MSH6: variants seen among roughly 807,000 people sequenced by gnomAD.
MSH6 encodes the protein DNA mismatch repair protein Msh6.
A neutral mutation model predicts 119.1 loss-of-function variants in MSH6; 85 were observed. That is an observed-to-expected ratio of 0.71 (90% CI 0.60 to 0.85). The LOEUF is 0.85. Among genes scored for constraint, MSH6 ranks in the 40% least tolerant of loss-of-function variants. The pLI, the probability that MSH6 is intolerant of heterozygous loss-of-function variation, is 0.00. For missense variants in MSH6, 2,163 were observed against 1,655.3 expected (o/e 1.31, Z -5.32); for synonymous variants, 830 against 586.9 (o/e 1.41, Z -5.99).
rs1553414421 is a variant in MSH6, at chr2:47,801,029, G to A, written c.3046G>A (p.Ala1016Thr). ...YWTKTIEKKL[A>T]NLINAEERRD... ...GACCAAAACTATTGAAAAGAAGTTG[G>A]CTAATCTCATAAATGCTGAAGAACG... The change falls in exon 4 of 10, where the codon GCT becomes ACT. Residue 1016 changes from alanine (A) to threonine (T), a missense_variant. Transcript: ENST00000234420. 1.3e-6 allele frequency: 2 copies of A among 1,583,280 alleles called. No homozygotes were observed. Among genetic ancestry groups the A allele is most frequent in the Non-Finnish European group, 1.7e-6 (2 of 1,165,306 alleles).
At chr2:47,809,625 T>C, downstream of MSH6, 1 of 1,613,174 alleles carries the variant, frequency 6.2e-7, no homozygotes, top group Non-Finnish European at 8.5e-7. Context: ...TAACACCAGA[T>C]GCTAAAAATA....
chr2:47,792,846 G>GTT (rs11335797), intron 2 of MSH6, among the ~76,000 whole-genome samples: 22 of 114,408 alleles, frequency 1.9e-4, no homozygotes, highest in South Asian at 6.3e-4. Flanking sequence ...TTTTTATATA[G>GTT]TTTTTTTTTT....
downstream of MSH6, chr2:47,808,093 A>T: frequency 6.3e-7 from 1 of 1,585,094 alleles, no homozygotes; most frequent in Non-Finnish European, 8.6e-7. Context: ...TTACAATGGC[A>T]GGACTTTTTC....
At chr2:47,795,799 T>C in intron 2 of MSH6, 95 bp from the exon 3 acceptor site, 1 of 1,025,694 alleles carries the variant, frequency 9.7e-7, no homozygotes, top group Non-Finnish European at 1.5e-6. Flanking sequence ...GAGATGGGGT[T>C]TGCTATGTTG....
Position 47,805,646 on chromosome 2 carries a change from T to G in MSH6, c.3585T>G (p.Ser1195Arg), listed in dbSNP as rs1572741819. Residue 1195 changes from serine to arginine, a missense_variant, in exon 7 of 10, where the codon AGT (serine) becomes AGG (arginine). Ser to Arg is a moderately radical substitution (Grantham distance 110). Coordinates refer to ENST00000234420, the MANE Select transcript of MSH6 (RefSeq NM_000179.3). ...AAAGTACATTTTTTGTTGAATTAAG[T>G]GAAACTGCCAGCATACTCATGCATG... ...SGESTFFVEL[S>R]ETASILMHAT... 2.5e-6 allele frequency: 4 copies of G among 1,613,712 alleles called. No homozygotes were observed. In the South Asian group the frequency reaches 3.3e-5, roughly 13 times the overall value.
downstream of MSH6, chr2:47,806,973 C>A: frequency 1.2e-6 from 1 of 851,198 alleles, no homozygotes; most frequent in Non-Finnish European, 1.9e-6. Flanking sequence ...CATTTTCTTT[C>A]TAGGAAATTA....
Position 47,790,193 on chromosome 2 carries a change from G to T in MSH6, c.261-734G>T, listed in dbSNP as rs186283508. 1.1e-3 allele frequency among the ~76,000 whole-genome samples: 172 copies of T among 152,280 alleles called. 1 individual carries two copies. Among genetic ancestry groups the T allele is most frequent in the Admixed American group, 2.2e-3 (34 of 15,282 alleles). On this transcript the variant is annotated intron_variant, in intron 1 of 9. Coordinates refer to ENST00000234420, the MANE Select transcript of MSH6 (RefSeq NM_000179.3). ...TCCCAGCACTTTGAGAGGCCAAGGC[G>T]GGTGAATCATTTGAGGTCAGGAGTT... is the stretch of plus-strand genomic sequence containing the variant.
chr2:47,805,850 G>T, intron 7 of MSH6, 143 bp downstream of exon 7: 1 of 729,174 alleles, frequency 1.4e-6, no homozygotes, highest in Non-Finnish European at 2.4e-6. Flanking sequence ...GGCACAGACC[G>T]ATAGTTGGAG....
chr2:47,792,778 CCT>C lies in MSH6; in HGVS notation c.457+1656_457+1657del, dbSNP rs369223556. The stretch of plus-strand genomic sequence containing the variant: ...AACTCCTGGGCTCAAGTGATTCCCC[CCT>C]GTTTTAGCCTCCTCAGTAACCGGGA... On this transcript the variant is annotated intron_variant, in intron 2 of 9. Coordinates refer to ENST00000234420, the MANE Select transcript of MSH6 (RefSeq NM_000179.3). Among the ~76,000 whole-genome samples, 531 of 152,108 alleles carry C rather than the reference CCT, an allele frequency of 3.5e-3. 3 individuals carry two copies. Among genetic ancestry groups the C allele is most frequent in the Middle Eastern group, 0.017 (5 of 294 alleles).
chr2:47,803,398 C>G (rs775911617), intron 4 of MSH6, 22 bp from the exon 5 acceptor site: 26 of 1,613,970 alleles, frequency 1.6e-5, no homozygotes, highest in Non-Finnish European at 2.0e-5. Flanking sequence ...TGAAGCCTCA[C>G]TTTTACCCTC....
chr2:47,805,199 A>C (rs1324118987), intron 6 of MSH6, among the ~76,000 whole-genome samples, 172 bp downstream of exon 6: 1 of 139,676 alleles, frequency 7.2e-6, no homozygotes, highest in African/African-American at 2.7e-5. Flanking sequence ...TTTTTTTTTG[A>C]GATGGAGTTT....
rs201996928 is a variant in MSH6 at position 47,799,601 on chromosome 2, C to A, written c.1618C>A (p.Leu540Ile). 3 of 1,614,148 alleles carry A rather than the reference C, an allele frequency of 1.9e-6. No homozygotes were observed. The highest frequency in any genetic ancestry group is 2.5e-6 in the Non-Finnish European group (3 of 1,180,020). The change falls in exon 4 of 10, where the codon CTT becomes ATT. Residue 540 changes from leucine to isoleucine, a missense_variant. By Grantham distance (5) the Leu-to-Ile change is conservative. Transcript: ENST00000234420. ...DPSENYSKYL[L>I]SLKEKEEDSS... ...CTCTGAGAACTACAGTAAGTATCTTCTTAGCCTCAAAGAAAAAGAGGAAGA... is the reference window on the plus strand; with the variant it reads ...CTCTGAGAACTACAGTAAGTATCTTATTAGCCTCAAAGAAAAAGAGGAAGA...
intron 6 of MSH6, 117 bp from the exon 7 acceptor site, chr2:47,805,501 A>C (rs1669938940): frequency 1.3e-6 from 1 of 788,354 alleles, no homozygotes; most frequent in African/African-American, 1.7e-5. Context: ...TCTCTTAATG[A>C]GATTTAATCT....
intron 5 of MSH6, 109 bp downstream of exon 5, chr2:47,803,794 T>A (rs758119644): frequency 1.4e-5 from 18 of 1,301,646 alleles, no homozygotes; most frequent in Non-Finnish European, 2.0e-5. Context: ...AGCCAGTGAC[T>A]TAATAGGAAG....
At chr2:47,804,288 AATTTTTTATGGCATTGTATTTATCT>A (rs1482427219) in intron 5 of MSH6, among the ~76,000 whole-genome samples, 2 of 152,068 alleles carry the variant, frequency 1.3e-5, no homozygotes, top group African/African-American at 4.8e-5. Flanking sequence ...TTTTTAAAAA[AATTTTTTATGGCATTGTATTTATCT>A]TCTCTTTATA....
rs767974147 is a variant in MSH6 at position 47,798,823 on chromosome 2, T to C, written c.840T>C (p.Ser280=). The change falls in exon 4 of 10, where the codon AGT becomes AGC. Residue 280 remains serine, a synonymous_variant. Transcript: ENST00000234420. ...AAGGAAGCAGTGATGAAATAAGCAG[T>C]GGAGTGGGGGATAGTGAGAGTGAAG... ...KEEGSSDEIS[S]GVGDSESEGL... 1.2e-6 allele frequency: 2 copies of C among 1,613,898 alleles called. No individual in the cohort carries two copies. Among genetic ancestry groups the C allele is most frequent in the South Asian group, 2.2e-5 (2 of 91,078 alleles).
chr2:47,784,182 A>T, intron 1 of MSH6: 8 of 989,236 alleles, frequency 8.1e-6, no homozygotes, highest in Non-Finnish European at 9.6e-6. Context: ...GCGGGGCCTA[A>T]TTGGGCGGGG....
In MSH6 at chr2:47,799,393, A is replaced by G. The variant is rs863224326; in HGVS notation, c.1410A>G (p.Ser470=). 1.2e-6 allele frequency: 2 copies of G among 1,614,154 alleles called. No homozygotes were observed. The highest frequency in any genetic ancestry group is 1.6e-4 in the Middle Eastern group (1 of 6,062). ...GFPEIAFGRY[S]DSLVQKGYKV... ...CTGAAATTGCATTTGGCCGTTATTC[A>G]GATTCCCTGGTGCAGAAGGGCTATA... The change falls in exon 4 of 10, where the codon TCA becomes TCG. Residue 470 remains serine (S), a synonymous_variant. Transcript: ENST00000234420.
At chr2:47,792,249 A>G (rs1276226394) in intron 2 of MSH6, among the ~76,000 whole-genome samples, 1 of 152,178 alleles carries the variant, frequency 6.6e-6, no homozygotes. Context: ...TCGGCCTCCC[A>G]AGAGTCTCCA....
Sources: gnomAD v4.1 joint callset for allele counts (sites outside exome capture counted in the v4.1 genomes callset) on GRCh38, gnomAD v4.1.1 for gene constraint, MANE v1.5 for transcripts, NCBI Gene and HGNC (gene_info 2026-07-23, HGNC 2026-07-21) for gene names.